Variants in ARHGAP15 observed in about 807,000 individuals in gnomAD.
ARHGAP15 encodes the protein rho GTPase-activating protein 15.
A neutral mutation model predicts 63.7 loss-of-function variants in ARHGAP15; 51 were observed. The ratio of observed to expected loss-of-function variants is 0.80; its 90% CI spans 0.64 to 1.01. The LOEUF is 1.01. Among genes scored for constraint, ARHGAP15 ranks in the 50% least tolerant of loss-of-function variants. The pLI is 0.00. For missense variants in ARHGAP15, 560 were observed against 564.6 expected (o/e 0.99, Z 0.08); for synonymous variants, 191 against 193.8 (o/e 0.99, Z 0.12).
At chr2:143,281,320 G>C (rs1182382402) in intron 6 of ARHGAP15, among the ~76,000 whole-genome samples, 5 of 152,028 alleles carry the variant, frequency 3.3e-5, no homozygotes, top group Non-Finnish European at 7.4e-5. Context: ...GACACCATTA[G>C]GCTACTTTAA....
chr2:143,409,786 G>A (rs562463469), intron 6 of ARHGAP15, among the ~76,000 whole-genome samples: 8 of 152,202 alleles, frequency 5.3e-5, no homozygotes, highest in Admixed American at 3.9e-4. Context: ...TAGCCTACAA[G>A]CAATAGGCTA....
At position 143,740,122 on chromosome 2, in the gene ARHGAP15, GA is replaced by G. The variant is rs528986040; in HGVS notation, c.1245-27857del. ...TCAAAATGTTTTGCTAAGCAAAACA[GA>G]AAAAAAAAATGATTTTCTCCACTAG... On this transcript the variant is annotated intron_variant, in intron 13 of 13. Transcript: ENST00000295095. 2.1e-3 allele frequency among the ~76,000 whole-genome samples: 313 copies of G among 147,402 alleles called. 1 individual carries two copies. Among genetic ancestry groups the G allele is most frequent in the Non-Finnish European group, 3.8e-3 (253 of 66,564 alleles).
chr2:143,265,953 T>A (rs552761465), intron 6 of ARHGAP15, among the ~76,000 whole-genome samples: 7 of 152,236 alleles, frequency 4.6e-5, no homozygotes, highest in Admixed American at 4.6e-4. Context: ...TAAATCTATT[T>A]TAGGTTAACT....
intron 6 of ARHGAP15, among the ~76,000 whole-genome samples, chr2:143,329,810 C>T (rs756969975): frequency 2.0e-5 from 3 of 151,568 alleles, no homozygotes; most frequent in Admixed American, 2.0e-4. Context: ...AGTAGCATCA[C>T]TAACTTAGAG....
chr2:143,726,882 T>G (rs978553820), intron 13 of ARHGAP15, among the ~76,000 whole-genome samples: 10 of 152,184 alleles, frequency 6.6e-5, no homozygotes, highest in Non-Finnish European at 1.0e-4. Flanking sequence ...TTGCTGTCAT[T>G]GATAAAGGGC....
chr2:143,421,176 T>C (rs1688902496), intron 6 of ARHGAP15, among the ~76,000 whole-genome samples: 1 of 152,152 alleles, frequency 6.6e-6, no homozygotes, highest in African/African-American at 2.4e-5. Context: ...CTTTAAGGTA[T>C]ATTTAGAAAA....
chr2:143,558,009 A>G (rs1488445125), intron 11 of ARHGAP15, among the ~76,000 whole-genome samples: 1 of 152,038 alleles, frequency 6.6e-6, no homozygotes, highest in African/African-American at 2.4e-5. Context: ...ACATTTGGGA[A>G]AATTAAACTG....
chr2:143,539,652 AG>A (rs1694951387), intron 10 of ARHGAP15, among the ~76,000 whole-genome samples: 1 of 152,190 alleles, frequency 6.6e-6, no homozygotes, highest in African/African-American at 2.4e-5. Context: ...GTAGTCATTC[AG>A]GAGCAGGTTG....
chr2:143,356,650 G>C (rs1051313730), intron 6 of ARHGAP15, among the ~76,000 whole-genome samples: 1 of 151,978 alleles, frequency 6.6e-6, no homozygotes, highest in African/African-American at 2.4e-5. Flanking sequence ...AAAAAGAAAC[G>C]CTTACCTTTA....
At chr2:143,351,916 T>C (rs952707876) in intron 6 of ARHGAP15, among the ~76,000 whole-genome samples, 1 of 152,196 alleles carries the variant, frequency 6.6e-6, no homozygotes, top group African/African-American at 2.4e-5. Flanking sequence ...TTATCTAAAA[T>C]ATAAATAAAA....
At chr2:143,331,228 T>C (rs1267235420) in intron 6 of ARHGAP15, among the ~76,000 whole-genome samples, 1 of 152,184 alleles carries the variant, frequency 6.6e-6, no homozygotes, top group Non-Finnish European at 1.5e-5. Context: ...TTCATTATTT[T>C]CTATTCTTCT....
chr2:143,332,514 G>T (rs938555971), intron 6 of ARHGAP15, among the ~76,000 whole-genome samples: 2 of 152,074 alleles, frequency 1.3e-5, no homozygotes, highest in Admixed American at 1.3e-4. Context: ...TTCATAACAA[G>T]ACATTGAAAT....
chr2:143,598,476 G>T (rs754486080), intron 11 of ARHGAP15, among the ~76,000 whole-genome samples: 7 of 152,178 alleles, frequency 4.6e-5, no homozygotes, highest in Non-Finnish European at 7.3e-5. Context: ...TCCGCTGTAA[G>T]GTGGCTAAAG....
chr2:143,681,339 A>G (rs1683092381), intron 12 of ARHGAP15, among the ~76,000 whole-genome samples: 1 of 152,162 alleles, frequency 6.6e-6, no homozygotes, highest in Non-Finnish European at 1.5e-5. Context: ...TTAGTAGCGT[A>G]TGTGAAACTT....
At chr2:143,474,419 A>G (rs1691720229) in intron 8 of ARHGAP15, among the ~76,000 whole-genome samples, 1 of 152,212 alleles carries the variant, frequency 6.6e-6, no homozygotes, top group Non-Finnish European at 1.5e-5. Flanking sequence ...AATGTAGGAT[A>G]AAACAAAATT....
intron 12 of ARHGAP15, among the ~76,000 whole-genome samples, chr2:143,684,612 T>C (rs1231344732): frequency 6.6e-6 from 1 of 152,180 alleles, no homozygotes. Context: ...CTCTCTAGAA[T>C]GGAAGATCAA....
intron 6 of ARHGAP15, among the ~76,000 whole-genome samples, chr2:143,355,826 A>G (rs1685785739): frequency 6.6e-6 from 1 of 152,206 alleles, no homozygotes; most frequent in African/African-American, 2.4e-5. Context: ...GTTAACAGCT[A>G]ATGCCATTTG....
intron 6 of ARHGAP15, among the ~76,000 whole-genome samples, chr2:143,372,291 C>T (rs968351845): frequency 3.4e-5 from 5 of 147,226 alleles, no homozygotes; most frequent in African/African-American, 7.6e-5. Context: ...TGCAGTGAGC[C>T]GTGATGGTGT....
At chr2:143,347,663 C>A (rs534974748) in intron 6 of ARHGAP15, among the ~76,000 whole-genome samples, 2 of 152,026 alleles carry the variant, frequency 1.3e-5, no homozygotes, top group African/African-American at 4.8e-5. Flanking sequence ...TGTTAATAAC[C>A]CCACTATTAG....
Sources: allele counts gnomAD v4.1 joint callset (sites outside exome capture counted in the v4.1 genomes callset), GRCh38; gene constraint gnomAD v4.1.1; transcripts MANE v1.5; gene names NCBI Gene and HGNC (gene_info 2026-07-23, HGNC 2026-07-21).